Variants in CCNY observed in about 807,000 individuals in gnomAD.
CCNY encodes the protein cyclin Y.
In CCNY, 19 loss-of-function variants were observed where a neutral mutation model predicts 42.8. The observed-to-expected ratio is 0.44, with a 90% CI of 0.31 to 0.65. The LOEUF (loss-of-function observed/expected upper bound fraction) is 0.65. Among genes scored for constraint, CCNY ranks in the 30% least tolerant of loss-of-function variants. The pLI, the probability that CCNY is intolerant of heterozygous loss-of-function variation, is 0.07. For missense variants in CCNY, 370 were observed against 437.3 expected (o/e 0.85, Z 1.37); for synonymous variants, 165 against 162.7 (o/e 1.01, Z -0.11).
intron 1 of CCNY, among the ~76,000 whole-genome samples, chr10:35,345,691 G>T (rs544522107): frequency 6.6e-6 from 1 of 152,166 alleles, no homozygotes; most frequent in Non-Finnish European, 1.5e-5. Flanking sequence ...AGCCTAAAGA[G>T]CTTATCCTAA....
intron 1 of CCNY, among the ~76,000 whole-genome samples, chr10:35,416,757 C>T (rs942588287): frequency 3.3e-5 from 5 of 152,140 alleles, no homozygotes; most frequent in African/African-American, 7.2e-5. Flanking sequence ...AGGAGGGCCG[C>T]GGACCACCTG....
At chr10:35,311,268 T>C (rs1835680312) in intron 3 of CCNY, among the ~76,000 whole-genome samples, 1 of 151,186 alleles carries the variant, frequency 6.6e-6, no homozygotes, top group Admixed American at 6.6e-5. Flanking sequence ...CAGTGAGCTA[T>C]GATTGTACCA....
rs543330997 is a variant in CCNY at position 35,530,772 on chromosome 10, A to G, written c.579+529A>G. ...CGTATATTTTAAGACTCAAGAAAAA[A>G]TAAAAATTTGTTTTTACAGCTGGGC... On this transcript the variant is annotated intron_variant, in intron 7 of 9. Transcript: ENST00000374704. This position sits in a 1 kb window ranked among gnomAD's most constrained non-coding sequence, Gnocchi z 4.3. Among the ~76,000 whole-genome samples, 1 of 152,346 alleles carries G rather than the reference A, an allele frequency of 6.6e-6. No individual in the cohort carries two copies. Among genetic ancestry groups the G allele is most frequent in the South Asian group, 2.1e-4 (1 of 4,824 alleles).
chr10:35,323,121 G>A (rs959255907), intron 3 of CCNY, among the ~76,000 whole-genome samples: 3 of 152,060 alleles, frequency 2.0e-5, no homozygotes, highest in Admixed American at 6.6e-5. Flanking sequence ...TAGACACAGG[G>A]TTTCGTCATG....
At chr10:35,382,996 T>G (rs1837222690) in intron 1 of CCNY, among the ~76,000 whole-genome samples, 1 of 152,138 alleles carries the variant, frequency 6.6e-6, no homozygotes, top group Non-Finnish European at 1.5e-5. Flanking sequence ...ACACCTTGGG[T>G]CTGAGCCACA....
intron 7 of CCNY, among the ~76,000 whole-genome samples, chr10:35,548,352 G>A (rs927394958): frequency 8.7e-5 from 13 of 149,866 alleles, no homozygotes; most frequent in African/African-American, 3.2e-4. Flanking sequence ...AGGCTGGAGT[G>A]CAGTTTCACG....
chr10:35,520,636 G>A (rs781713456), intron 4 of CCNY, among the ~76,000 whole-genome samples: 4 of 152,142 alleles, frequency 2.6e-5, no homozygotes, highest in African/African-American at 4.8e-5. Context: ...AGAAATAAAC[G>A]TATTTGCAAA....
At chr10:35,356,642 G>A (rs1319301042) in intron 1 of CCNY, among the ~76,000 whole-genome samples, 2 of 152,126 alleles carry the variant, frequency 1.3e-5, no homozygotes, top group Admixed American at 1.3e-4. Flanking sequence ...GCTATTGTGG[G>A]TTTAGGTTTG....
At chr10:35,531,790 C>T (rs1840775827) in intron 7 of CCNY, among the ~76,000 whole-genome samples, 1 of 152,162 alleles carries the variant, frequency 6.6e-6, no homozygotes, top group Non-Finnish European at 1.5e-5. Context: ...AAGATAGTGC[C>T]TTCCTGGTCG....
At chr10:35,357,163 A>AGCCCCTGCTCCT (rs1836572846) in intron 1 of CCNY, among the ~76,000 whole-genome samples, 1 of 151,674 alleles carries the variant, frequency 6.6e-6, no homozygotes, top group Non-Finnish European at 1.5e-5. Context: ...CAGAGAGAGC[A>AGCCCCTGCTCCT]GCCCCTGCTC....
At chr10:35,558,505 A>G (rs1048345500) in intron 8 of CCNY, among the ~76,000 whole-genome samples, 1 of 152,246 alleles carries the variant, frequency 6.6e-6, no homozygotes, top group Non-Finnish European at 1.5e-5. Context: ...GATGCTATTC[A>G]TGACATGGGC....
chr10:35,475,668 C>T (rs1265817201), intron 1 of CCNY, among the ~76,000 whole-genome samples: 4 of 148,448 alleles, frequency 2.7e-5, no homozygotes, highest in Admixed American at 6.6e-5. Context: ...CAACTGGTAC[C>T]AGCCGCTGCA....
At chr10:35,260,573 C>T (rs2095718853) in intron 3 of CCNY, among the ~76,000 whole-genome samples, 1 of 152,188 alleles carries the variant, frequency 6.6e-6, no homozygotes, top group South Asian at 2.1e-4. Context: ...ATGAAAATTG[C>T]CTGGGAAATT....
At chr10:35,349,598 A>G (rs948924594) in intron 1 of CCNY, among the ~76,000 whole-genome samples, 1 of 152,228 alleles carries the variant, frequency 6.6e-6, no homozygotes, top group Non-Finnish European at 1.5e-5. Flanking sequence ...TATTTGCTAA[A>G]TCTCAATTCT....
chr10:35,540,574 T>C (rs1248362926), intron 7 of CCNY, among the ~76,000 whole-genome samples: 2 of 152,160 alleles, frequency 1.3e-5, no homozygotes, highest in Non-Finnish European at 2.9e-5. Context: ...CTTTTTTTTT[T>C]TTGAAGAGTT....
intron 1 of CCNY, among the ~76,000 whole-genome samples, chr10:35,436,512 C>T (rs1174106634): frequency 1.3e-5 from 2 of 152,142 alleles, no homozygotes; most frequent in African/African-American, 2.4e-5. Flanking sequence ...GGCCCTGCTC[C>T]AGGGAGAGAG....
intron 3 of CCNY, among the ~76,000 whole-genome samples, chr10:35,299,312 T>C (rs1024851675): frequency 6.6e-6 from 1 of 152,242 alleles, no homozygotes; most frequent in African/African-American, 2.4e-5. Flanking sequence ...AAGTCTTCTG[T>C]ATTCATACCA....
At chr10:35,398,957 T>TA (rs1050148506) in intron 1 of CCNY, among the ~76,000 whole-genome samples, 6 of 152,220 alleles carry the variant, frequency 3.9e-5, no homozygotes, top group African/African-American at 1.2e-4. Context: ...GAATCAGACA[T>TA]ACGCCGTGCT....
intron 1 of CCNY, among the ~76,000 whole-genome samples, chr10:35,425,863 G>A (rs957410785): frequency 6.6e-6 from 1 of 152,086 alleles, no homozygotes; most frequent in Non-Finnish European, 1.5e-5. Context: ...ACTTACCCTT[G>A]TTAGTGACTC....
Sources: allele counts gnomAD v4.1 joint callset (sites outside exome capture counted in the v4.1 genomes callset), GRCh38; gene constraint gnomAD v4.1.1; non-coding constraint Gnocchi (gnomAD v3.1); transcripts MANE v1.5; gene names NCBI Gene and HGNC (gene_info 2026-07-23, HGNC 2026-07-21).